FNDC3B: variants seen among roughly 807,000 people sequenced by gnomAD.
FNDC3B encodes the protein fibronectin type III domain containing 3B, also known as fibronectin type III domain-containing protein 3B.
In FNDC3B, 12 loss-of-function variants were observed where a neutral mutation model predicts 151.5. The ratio of observed to expected loss-of-function variants is 0.08; its 90% CI spans 0.05 to 0.13. The LOEUF is 0.13. Among genes scored for constraint, FNDC3B ranks in the 10% least tolerant of loss-of-function variants. FNDC3B has a pLI of 1.00. For synonymous variants in FNDC3B, 528 were observed against 549.0 expected, an observed-to-expected ratio of 0.96 and a Z score of 0.54; for missense variants, 1,214 against 1,505.3, an observed-to-expected ratio of 0.81 and a Z score of 3.20.
In FNDC3B at chr3:172,261,244, C is replaced by T. The variant is rs192768646; in HGVS notation, c.790+9703C>T. ...CATGGAGGCTGACTACCAGGTATGTCGAGGTGGAAACCATTTCTGTTAATA... is the reference window on the plus strand; with the variant it reads ...CATGGAGGCTGACTACCAGGTATGTTGAGGTGGAAACCATTTCTGTTAATA... On this transcript the variant is annotated intron_variant, in intron 6 of 25. Transcript: ENST00000415807. Among the ~76,000 whole-genome samples the T allele has an allele frequency of 3.9e-5, 6 of 152,182 alleles. No individual in the cohort carries two copies. In the East Asian group the frequency reaches 9.7e-4, roughly 25 times the overall value.
chr3:172,373,333 C>T (rs1296039222), intron 23 of FNDC3B, among the ~76,000 whole-genome samples: 4 of 152,192 alleles, frequency 2.6e-5, no homozygotes, highest in African/African-American at 9.6e-5. Flanking sequence ...CAGCAGGACC[C>T]TTCTGTTGCC....
intron 1 of FNDC3B, among the ~76,000 whole-genome samples, chr3:172,073,091 C>G (rs1245748098): frequency 1.3e-5 from 2 of 152,090 alleles, no homozygotes; most frequent in African/African-American, 4.8e-5. Context: ...GTCTGCAGCC[C>G]TCTCATTTAG....
At chr3:172,206,816 A>G (rs1419622327) in intron 3 of FNDC3B, among the ~76,000 whole-genome samples, 2 of 152,122 alleles carry the variant, frequency 1.3e-5, no homozygotes, top group Non-Finnish European at 2.9e-5. Flanking sequence ...TGCACATTGT[A>G]TTGACCACAT....
rs530707455 is a variant in FNDC3B at position 172,354,672 on chromosome 3, A to C, written c.2795+1589A>C. On this transcript the variant is annotated intron_variant, in intron 22 of 25. Coordinates refer to ENST00000415807, the MANE Select transcript of FNDC3B (RefSeq NM_022763.4). ...ACATAATTGCAGTAATTATAGTGAAATACAAAATGAGTATTTCAGGGAACC... is the reference window on the plus strand; with the variant it reads ...ACATAATTGCAGTAATTATAGTGAACTACAAAATGAGTATTTCAGGGAACC... Among the ~76,000 whole-genome samples the C allele has an allele frequency of 2.2e-4, 33 of 152,038 alleles. 1 individual carries two copies. The highest frequency in any genetic ancestry group is 7.9e-4 in the African/African-American group (33 of 41,534).
At chr3:172,078,914 G>C (rs1718151201) in intron 1 of FNDC3B, among the ~76,000 whole-genome samples, 1 of 152,198 alleles carries the variant, frequency 6.6e-6, no homozygotes, top group African/African-American at 2.4e-5. Flanking sequence ...CCACGGGAAT[G>C]TGTTTACTAC....
intron 3 of FNDC3B, among the ~76,000 whole-genome samples, chr3:172,143,457 T>C (rs1233545778): frequency 2.0e-5 from 3 of 152,154 alleles, no homozygotes; most frequent in African/African-American, 2.4e-5. Flanking sequence ...ATCAACTTTT[T>C]CCCAAACTTT....
At chr3:172,359,563 G>A (rs115264660) in intron 22 of FNDC3B, among the ~76,000 whole-genome samples, 5 of 152,072 alleles carry the variant, frequency 3.3e-5, no homozygotes, top group Admixed American at 1.3e-4. Flanking sequence ...CTTAATGTCC[G>A]GCTTAATTTC....
intron 6 of FNDC3B, among the ~76,000 whole-genome samples, chr3:172,269,292 T>TCTGTC (rs1729070409): frequency 6.6e-6 from 1 of 152,176 alleles, no homozygotes; most frequent in Admixed American, 6.5e-5. Flanking sequence ...CTAGGCTCTC[T>TCTGTC]CTGTCATCCA....
At chr3:172,218,457 TA>T (rs749235729) in intron 3 of FNDC3B, among the ~76,000 whole-genome samples, 4 of 152,040 alleles carry the variant, frequency 2.6e-5, no homozygotes, top group Middle Eastern at 3.2e-3. Context: ...ATGTGAAGAG[TA>T]AAAAAACTCA....
At chr3:172,043,346 C>T (rs1351131058) in intron 1 of FNDC3B, among the ~76,000 whole-genome samples, 2 of 152,016 alleles carry the variant, frequency 1.3e-5, no homozygotes, top group African/African-American at 2.4e-5. Flanking sequence ...TCATATTGCT[C>T]TTTATTTTAC....
rs572225927 is a variant in FNDC3B, at chr3:172,225,098, T to C, written c.188-1773T>C. On this transcript the variant is annotated intron_variant, in intron 3 of 25. Transcript: ENST00000415807. ...CCATTTGTTGTTTGCCTTAGACATG[T>C]AATTAACATTCATTGAATTTAATTT... 5.0e-4 allele frequency among the ~76,000 whole-genome samples: 76 copies of C among 152,400 alleles called. No individual in the cohort carries two copies. The Middle Eastern group carries it at 0.01, about 20-fold the overall frequency.
intron 9 of FNDC3B, chr3:172,301,871 A>G (rs1244075724): frequency 6.6e-6 from 1 of 152,198 alleles, no homozygotes; most frequent in Non-Finnish European, 1.5e-5. Flanking sequence ...ATAAATAAAT[A>G]AATAAGTGAA....
At chr3:172,342,316 G>T (rs1292922431) in intron 17 of FNDC3B, among the ~76,000 whole-genome samples, 1 of 152,192 alleles carries the variant, frequency 6.6e-6, no homozygotes. Flanking sequence ...GATTATCAGT[G>T]GTCCTTCCTA....
intron 3 of FNDC3B, among the ~76,000 whole-genome samples, chr3:172,205,772 G>A (rs927630673): frequency 1.3e-5 from 2 of 152,210 alleles, no homozygotes; most frequent in African/African-American, 2.4e-5. Context: ...AATGCATTCT[G>A]TAGGTAAAGA....
At chr3:172,178,350 A>C (rs1418861463) in intron 3 of FNDC3B, among the ~76,000 whole-genome samples, 1 of 152,162 alleles carries the variant, frequency 6.6e-6, no homozygotes, top group Non-Finnish European at 1.5e-5. Context: ...CTACTATGTA[A>C]ATTTAAGGCC....
chr3:172,076,281 A>G (rs1361072276), intron 1 of FNDC3B, among the ~76,000 whole-genome samples: 2 of 152,184 alleles, frequency 1.3e-5, no homozygotes, highest in Admixed American at 6.5e-5. Flanking sequence ...GAGCACTACT[A>G]TGTGTTAGGG....
intron 3 of FNDC3B, chr3:172,184,339 A>G (rs1724065989): frequency 6.6e-6 from 1 of 152,238 alleles, no homozygotes; most frequent in Admixed American, 6.5e-5. Flanking sequence ...AGTTAAACAA[A>G]TAAACATATA....
At chr3:172,053,738 C>T (rs1338829357) in intron 1 of FNDC3B, among the ~76,000 whole-genome samples, 1 of 150,382 alleles carries the variant, frequency 6.6e-6, no homozygotes, top group Non-Finnish European at 1.5e-5. Context: ...CGCCATTGCC[C>T]TGCACTCCAG....
chr3:172,145,079 T>A (rs1721834173), intron 3 of FNDC3B, among the ~76,000 whole-genome samples: 1 of 152,060 alleles, frequency 6.6e-6, no homozygotes, highest in Non-Finnish European at 1.5e-5. Context: ...TGAATTAAGG[T>A]CGAAGCATTC....
Sources: gnomAD v4.1 joint callset for allele counts (sites outside exome capture counted in the v4.1 genomes callset) on GRCh38, gnomAD v4.1.1 for gene constraint, MANE v1.5 for transcripts, NCBI Gene and HGNC (gene_info 2026-07-23, HGNC 2026-07-21) for gene names.